ALK: variants seen among roughly 807,000 people sequenced by gnomAD.
The protein encoded by ALK is ALK receptor tyrosine kinase.
Under a neutral mutation model 163.1 loss-of-function variants are expected in ALK, and 74 were observed. The ratio of observed to expected loss-of-function variants is 0.45; its 90% CI spans 0.38 to 0.55. The LOEUF is 0.55. Ranked by LOEUF, ALK falls within the 20% of genes least tolerant of loss-of-function variation. The probability of loss-of-function intolerance (pLI) is 0.00; values close to 1 mark genes in which losing one functional copy is unlikely to be tolerated. For synonymous variants in ALK, 960 were observed against 843.2 expected, an observed-to-expected ratio of 1.14 and a Z score of -2.40; for missense variants, 2,063 against 2,105.3, an observed-to-expected ratio of 0.98 and a Z score of 0.39.
At chr2:29,325,757 A>G (rs1273581481) in intron 6 of ALK, among the ~76,000 whole-genome samples, 1 of 152,238 alleles carries the variant, frequency 6.6e-6, no homozygotes, top group Non-Finnish European at 1.5e-5. Flanking sequence ...CCTTGTCTCT[A>G]ACAAAGATGG....
intron 3 of ALK, among the ~76,000 whole-genome samples, chr2:29,677,664 G>A (rs191635106): frequency 2.5e-4 from 38 of 152,018 alleles, no homozygotes; most frequent in African/African-American, 7.7e-4. Flanking sequence ...CTTTTCATCC[G>A]TTGCTAAATA....
chr2:29,499,780 T>C (rs575870895), intron 4 of ALK, among the ~76,000 whole-genome samples: 126 of 152,170 alleles, frequency 8.3e-4, no homozygotes, highest in South Asian at 2.7e-3. Flanking sequence ...TCCTGACTGA[T>C]TGAGTCTTGC....
At chr2:29,503,694 A>G (rs998645084) in intron 4 of ALK, among the ~76,000 whole-genome samples, 6 of 152,128 alleles carry the variant, frequency 3.9e-5, no homozygotes, top group Admixed American at 3.9e-4. Flanking sequence ...AAACAGCTGC[A>G]TCTTCAGGAA....
At chr2:29,869,714 G>A (rs142810548) in intron 1 of ALK, among the ~76,000 whole-genome samples, 63 of 151,996 alleles carry the variant, frequency 4.1e-4, no homozygotes, top group Middle Eastern at 6.8e-3. Flanking sequence ...AAAAGCAAAG[G>A]AATTACAAAG....
chr2:29,672,177 T>C (rs546042909), intron 3 of ALK, among the ~76,000 whole-genome samples: 1 of 152,096 alleles, frequency 6.6e-6, no homozygotes, highest in East Asian at 1.9e-4. Context: ...TGCTTTTTTT[T>C]TTTCTTTTAT....
At chr2:29,663,441 C>T (rs376116866) in intron 3 of ALK, among the ~76,000 whole-genome samples, 11 of 152,224 alleles carry the variant, frequency 7.2e-5, no homozygotes, top group East Asian at 5.8e-4. Flanking sequence ...TCCTTCCCAT[C>T]GTCCTCCTTC....
chr2:29,240,359 T>C (rs1354078983), intron 12 of ALK, among the ~76,000 whole-genome samples: 3 of 152,286 alleles, frequency 2.0e-5, no homozygotes, highest in African/African-American at 7.2e-5. Flanking sequence ...CTAGCCTACA[T>C]GTGCTATGAG....
chr2:29,552,372 G>A (rs1001782437), intron 3 of ALK, among the ~76,000 whole-genome samples: 1 of 152,130 alleles, frequency 6.6e-6, no homozygotes, highest in Non-Finnish European at 1.5e-5. Context: ...TGCAGGAATG[G>A]AATTGCTGGG....
chr2:29,568,439 G>A (rs1024757777), intron 3 of ALK, among the ~76,000 whole-genome samples: 1 of 152,152 alleles, frequency 6.6e-6, no homozygotes, highest in Non-Finnish European at 1.5e-5. Context: ...ACTGACAAGG[G>A]GCAGTGAAAA....
intron 5 of ALK, among the ~76,000 whole-genome samples, chr2:29,343,784 A>G (rs971626450): frequency 1.3e-5 from 2 of 152,180 alleles, no homozygotes; most frequent in Non-Finnish European, 2.9e-5. Context: ...TCAGCCCTCA[A>G]TCTTGCTACG....
At chr2:29,805,130 T>C (rs927187393) in intron 1 of ALK, among the ~76,000 whole-genome samples, 20 of 152,222 alleles carry the variant, frequency 1.3e-4, no homozygotes, top group African/African-American at 4.8e-4. Flanking sequence ...AAACAACTCA[T>C]CACCTATTAA....
intron 1 of ALK, among the ~76,000 whole-genome samples, chr2:29,892,025 C>T (rs952421257): frequency 1.3e-5 from 2 of 152,170 alleles, no homozygotes; most frequent in African/African-American, 2.4e-5. Flanking sequence ...CTAACCATGC[C>T]CTTTGAGGCA....
At position 29,281,780 on chromosome 2, in the gene ALK, T is replaced by C. The variant is rs187396240; in HGVS notation, c.1818-6284A>G. On this transcript the variant is annotated intron_variant, in intron 9 of 28. Transcript: ENST00000389048. Reference sequence around the variant, plus strand: ...CAAGTCTGGAAGGGCAGCTTCAGAATTGGGCGCCTCGGAGACTCATCGGGC... The same window carrying C: ...CAAGTCTGGAAGGGCAGCTTCAGAACTGGGCGCCTCGGAGACTCATCGGGC... Among the ~76,000 whole-genome samples the C allele has an allele frequency of 5.8e-4, 89 of 152,314 alleles. 1 individual carries two copies. The East Asian group carries it at 0.015, about 26-fold the overall frequency.
chr2:29,837,343 G>T (rs1321259445), intron 1 of ALK, among the ~76,000 whole-genome samples: 2 of 152,114 alleles, frequency 1.3e-5, no homozygotes, highest in Non-Finnish European at 2.9e-5. Context: ...TGTAGGATAT[G>T]GCACCAGAAA....
At chr2:29,234,465 G>A (rs76512359) in intron 13 of ALK, among the ~76,000 whole-genome samples, 9,478 of 152,180 alleles carry the variant, frequency 0.062, 353 homozygotes, top group Non-Finnish European at 0.088. Context: ...TCTCTGGGAA[G>A]ATCAGTTCTC....
intron 3 of ALK, among the ~76,000 whole-genome samples, chr2:29,656,001 T>A (rs901537689): frequency 6.6e-6 from 1 of 152,156 alleles, no homozygotes; most frequent in South Asian, 2.1e-4. Context: ...GAAGGTATCA[T>A]TCTGTCTGAG....
At chr2:29,308,927 C>A (rs1240959575) in intron 8 of ALK, among the ~76,000 whole-genome samples, 1 of 150,988 alleles carries the variant, frequency 6.6e-6, no homozygotes, top group African/African-American at 2.4e-5. Context: ...GTTTTTTAAT[C>A]TTCTGGGTTC....
At chr2:29,786,776 T>TTTTGTTTGTTTGTTTTG (rs1664039459) in intron 1 of ALK, among the ~76,000 whole-genome samples, 1 of 152,126 alleles carries the variant, frequency 6.6e-6, no homozygotes, top group Non-Finnish European at 1.5e-5. Flanking sequence ...TGGGAGTTTT[T>TTTTGTTTGTTTGTTTTG]TTTGTTTGTT....
intron 4 of ALK, among the ~76,000 whole-genome samples, chr2:29,508,710 A>C (rs1327642624): frequency 2.1e-5 from 3 of 144,824 alleles, no homozygotes; most frequent in Non-Finnish European, 3.0e-5. Context: ...AAAAAAACCC[A>C]AAAAAATCCC....
Sources: gnomAD v4.1 joint callset for allele counts (sites outside exome capture counted in the v4.1 genomes callset) on GRCh38, gnomAD v4.1.1 for gene constraint, MANE v1.5 for transcripts, NCBI Gene and HGNC (gene_info 2026-07-23, HGNC 2026-07-21) for gene names.